NMBR: variants seen among roughly 807,000 people sequenced by gnomAD.
NMBR encodes the protein neuromedin-B receptor.
A neutral mutation model predicts 20.5 loss-of-function variants in NMBR; 16 were observed. The observed-to-expected ratio is 0.78, with a 90% CI of 0.53 to 1.19. NMBR has a LOEUF of 1.19. NMBR is among the 50% of genes most tolerant of loss of function. The probability of loss-of-function intolerance (pLI) is 0.00; values close to 1 mark genes in which losing one functional copy is unlikely to be tolerated. For missense variants in NMBR, 582 were observed against 499.1 expected (o/e 1.17, Z -1.58); for synonymous variants, 212 against 196.6 (o/e 1.08, Z -0.65).
chr6:142,136,759 T>C (rs1299314505), intron 1 of NMBR, among the ~76,000 whole-genome samples: 1 of 152,220 alleles, frequency 6.6e-6, no homozygotes, highest in Non-Finnish European at 1.5e-5. Context: ...GGGAATCCTT[T>C]CCCCATTGTT....
chr6:142,103,137 A>G lies in NMBR; in HGVS notation c.-663-13816T>C, dbSNP rs111655236. ...GTTTTGCTGCAATGTGGATGGCACA[A>G]TGGCAGCCTTTCTCTGATACTCTGA... On this transcript the variant is annotated intron_variant, in intron 1 of 3. Transcript: ENST00000258042. Among the ~76,000 whole-genome samples, 1,331 of 152,296 alleles carry G rather than the reference A, an allele frequency of 8.7e-3. 19 individuals are homozygous for G. The highest frequency in any genetic ancestry group is 0.036 in the South Asian group (173 of 4,830).
At chr6:142,118,430 T>C (rs1194066253) in intron 1 of NMBR, among the ~76,000 whole-genome samples, 3 of 151,964 alleles carry the variant, frequency 2.0e-5, no homozygotes, top group African/African-American at 7.2e-5. Flanking sequence ...TCGAAGAACC[T>C]GTTAATTGAA....
At chr6:142,114,282 T>C (rs1362508568) in intron 1 of NMBR, among the ~76,000 whole-genome samples, 2 of 152,172 alleles carry the variant, frequency 1.3e-5, no homozygotes, top group Non-Finnish European at 2.9e-5. Context: ...TTGTGTGAGA[T>C]AATCATCTCT....
At chr6:142,137,814 T>C (rs1778288026) in intron 1 of NMBR, among the ~76,000 whole-genome samples, 1 of 152,152 alleles carries the variant, frequency 6.6e-6, no homozygotes, top group African/African-American at 2.4e-5. Context: ...TTTGCGCATA[T>C]TGAACCAGCC....
intron 1 of NMBR, among the ~76,000 whole-genome samples, chr6:142,097,076 G>A (rs1428726368): frequency 2.6e-5 from 4 of 152,144 alleles, no homozygotes; most frequent in Non-Finnish European, 5.9e-5. Context: ...CTTTGCACGT[G>A]AGATGGGTTT....
At chr6:142,143,623 C>G (rs896179346) in intron 1 of NMBR, among the ~76,000 whole-genome samples, 1 of 152,196 alleles carries the variant, frequency 6.6e-6, no homozygotes, top group African/African-American at 2.4e-5. Flanking sequence ...GCTTGGCAGT[C>G]TTACTCATTT....
rs1329732548 is a variant in NMBR at position 142,130,532 on chromosome 6, TAGAG to T, written c.-664+16508_-664+16511del. The stretch of plus-strand genomic sequence containing the variant: ...CCAAAAATAGCTGTAAATGTATGTG[TAGAG>T]AGAGATATTTCTTTAATTATATGAC... On this transcript the variant is annotated intron_variant, in intron 1 of 3. Coordinates refer to ENST00000258042, the MANE Select transcript of NMBR (RefSeq NM_002511.4). Among the ~76,000 whole-genome samples the T allele has an allele frequency of 6.6e-5, 10 of 152,242 alleles. No homozygotes were observed. The South Asian group carries it at 2.1e-3, about 32-fold the overall frequency.
At chr6:142,076,963 T>C (rs1429509386) in intron 3 of NMBR, among the ~76,000 whole-genome samples, 1 of 151,942 alleles carries the variant, frequency 6.6e-6, no homozygotes, top group Non-Finnish European at 1.5e-5. Context: ...TAGGTAGCAA[T>C]AGAGTGGTAA....
At chr6:142,083,187 C>T (rs114296555) in intron 2 of NMBR, among the ~76,000 whole-genome samples, 1,540 of 152,248 alleles carry the variant, frequency 0.01, 33 homozygotes, top group African/African-American at 0.035. Context: ...AGTCAAATAA[C>T]ATTTATTTAA....
At chr6:142,140,927 A>G (rs1778351573) in intron 1 of NMBR, among the ~76,000 whole-genome samples, 1 of 152,184 alleles carries the variant, frequency 6.6e-6, no homozygotes, top group South Asian at 2.1e-4. Flanking sequence ...AGAGATTCAG[A>G]ATGCATGAAG....
In NMBR at chr6:142,119,120, C is replaced by T. The variant is rs140645094; in HGVS notation, c.-664+27924G>A. On this transcript the variant is annotated intron_variant, in intron 1 of 3. Coordinates refer to ENST00000258042, the MANE Select transcript of NMBR (RefSeq NM_002511.4). ...GGGAGTAGGCTCTATAGCACCACAT[C>T]AGCCAGTTACTGGTTATGCGTCAGC... 7.9e-5 allele frequency among the ~76,000 whole-genome samples: 12 copies of T among 152,098 alleles called. 1 individual carries two copies. The East Asian group carries it at 1.9e-3, about 25-fold the overall frequency.
intron 1 of NMBR, chr6:142,133,782 G>A (rs933142357): frequency 1.8e-6 from 1 of 545,066 alleles, no homozygotes; most frequent in Non-Finnish European, 3.3e-6. Flanking sequence ...GTGATATAAG[G>A]ATTTTTTTAA....
intron 1 of NMBR, among the ~76,000 whole-genome samples, chr6:142,128,036 G>A (rs1778068950): frequency 6.6e-6 from 1 of 152,002 alleles, no homozygotes; most frequent in Non-Finnish European, 1.5e-5. Context: ...CAATGTTGGA[G>A]GTGGGACCTG....
intron 1 of NMBR, among the ~76,000 whole-genome samples, chr6:142,091,462 C>A (rs571542746): frequency 6.6e-6 from 1 of 152,242 alleles, no homozygotes; most frequent in East Asian, 1.9e-4. Flanking sequence ...TGGGCTCAAG[C>A]AATCCTCTTG....
intron 2 of NMBR, among the ~76,000 whole-genome samples, chr6:142,081,410 T>C (rs1391447761): frequency 6.6e-6 from 1 of 152,146 alleles, no homozygotes; most frequent in East Asian, 1.9e-4. Flanking sequence ...GAAATCTCGG[T>C]TTAGAGAAAG....
intron 2 of NMBR, among the ~76,000 whole-genome samples, chr6:142,085,883 T>G (rs542118671): frequency 6.6e-6 from 1 of 152,324 alleles, no homozygotes; most frequent in South Asian, 2.1e-4. Context: ...TCTAATAACA[T>G]AATTTTTATT....
chr6:142,109,464 C>T (rs1582851177), intron 1 of NMBR, among the ~76,000 whole-genome samples: 1 of 146,484 alleles, frequency 6.8e-6, no homozygotes, highest in Non-Finnish European at 1.5e-5. Context: ...GTGTGTAAGA[C>T]ATTGGGTATG....
chr6:142,076,543 C>T (rs1358941850), intron 3 of NMBR, among the ~76,000 whole-genome samples: 1 of 152,148 alleles, frequency 6.6e-6, no homozygotes, highest in African/African-American at 2.4e-5. Flanking sequence ...ATTTAAACTC[C>T]TGACTTACAC....
chr6:142,088,017 T>TA (rs1562234560), intron 2 of NMBR, among the ~76,000 whole-genome samples: 4 of 152,284 alleles, frequency 2.6e-5, no homozygotes, highest in African/African-American at 9.6e-5. Flanking sequence ...TTGTTTTTTT[T>TA]AAAACATAGT....
Sources: gnomAD v4.1 joint callset for allele counts (sites outside exome capture counted in the v4.1 genomes callset) on GRCh38, gnomAD v4.1.1 for gene constraint, MANE v1.5 for transcripts, NCBI Gene and HGNC (gene_info 2026-07-23, HGNC 2026-07-21) for gene names.